EYS: variants seen among roughly 807,000 people sequenced by gnomAD.
EYS encodes the protein EGF-like photoreceptor maintenance factor.
A neutral mutation model predicts 282.1 loss-of-function variants in EYS; 250 were observed. The ratio of observed to expected loss-of-function variants is 0.89; its 90% confidence interval spans 0.80 to 0.98. EYS has a LOEUF of 0.98. Ranked by LOEUF, EYS falls within the 50% of genes least tolerant of loss-of-function variation. EYS has a pLI of 0.00. For missense variants in EYS, 4,016 were observed against 3,709.0 expected (o/e 1.08, Z -2.15); for synonymous variants, 1,355 against 1,282.9 (o/e 1.06, Z -1.20).
chr6:63,870,561 C>T (rs1172388314), intron 35 of EYS, among the ~76,000 whole-genome samples: 1 of 152,146 alleles, frequency 6.6e-6, no homozygotes, highest in African/African-American at 2.4e-5. Flanking sequence ...ACTTATTCCA[C>T]AGCCTTTCTT....
Position 64,345,202 on chromosome 6 carries a change from TTA to T in EYS, c.6079-38122_6079-38121del, listed in dbSNP as rs1367144475. ...TTCACAGAATTGGAAAAAAACTACT[TTA>T]AAGTTCATATGGAACCAAAAAAGAG... On this transcript the variant is annotated intron_variant, in intron 29 of 42. Transcript: ENST00000503581. Among the ~76,000 whole-genome samples, 4 of 152,132 alleles carry T rather than the reference TTA, an allele frequency of 2.6e-5. No homozygotes were observed. In the East Asian group the frequency reaches 7.7e-4, roughly 29 times the overall value.
chr6:64,037,277 A>G (rs534590243), intron 33 of EYS, among the ~76,000 whole-genome samples: 10 of 152,350 alleles, frequency 6.6e-5, no homozygotes, highest in African/African-American at 2.4e-4. Flanking sequence ...TAACCACATT[A>G]TACATTAACA....
At chr6:64,546,779 T>C (rs1322059501) in intron 26 of EYS, among the ~76,000 whole-genome samples, 1 of 152,114 alleles carries the variant, frequency 6.6e-6, no homozygotes, top group Non-Finnish European at 1.5e-5. Flanking sequence ...AAAATGCTCA[T>C]CATCACTGGC....
intron 22 of EYS, among the ~76,000 whole-genome samples, chr6:64,796,820 G>T (rs895671039): frequency 5.3e-5 from 8 of 152,092 alleles, no homozygotes; most frequent in African/African-American, 1.2e-4. Context: ...GTATTTTTGT[G>T]TGACACAAAG....
intron 12 of EYS, among the ~76,000 whole-genome samples, chr6:65,216,262 G>A (rs1766310256): frequency 6.6e-6 from 1 of 152,092 alleles, no homozygotes; most frequent in African/African-American, 2.4e-5. Flanking sequence ...TCTTAAATGA[G>A]TAAAAAGTGT....
At chr6:64,016,346 T>C (rs1423959234) in intron 33 of EYS, among the ~76,000 whole-genome samples, 2 of 152,200 alleles carry the variant, frequency 1.3e-5, no homozygotes, top group South Asian at 4.2e-4. Context: ...ATTCTTCCCA[T>C]TTATAGGTGA....
At chr6:63,912,691 A>G (rs1764292267) in intron 35 of EYS, among the ~76,000 whole-genome samples, 1 of 152,026 alleles carries the variant, frequency 6.6e-6, no homozygotes, top group Non-Finnish European at 1.5e-5. Flanking sequence ...TTTCTCATGA[A>G]TGGTTTACCA....
At chr6:64,385,532 C>T (rs1772879300) in intron 29 of EYS, among the ~76,000 whole-genome samples, 1 of 152,146 alleles carries the variant, frequency 6.6e-6, no homozygotes, top group Admixed American at 6.6e-5. Context: ...GTCCAGTTCC[C>T]TTACATCACA....
At chr6:64,603,272 C>G (rs1209491020) in intron 24 of EYS, among the ~76,000 whole-genome samples, 1 of 152,028 alleles carries the variant, frequency 6.6e-6, no homozygotes, top group Non-Finnish European at 1.5e-5. Flanking sequence ...ACTCCATCCT[C>G]CTTCTCTTCT....
intron 8 of EYS, among the ~76,000 whole-genome samples, chr6:65,381,785 G>A (rs745796814): frequency 2.6e-5 from 4 of 150,980 alleles, no homozygotes; most frequent in African/African-American, 9.7e-5. Context: ...CTCACATATA[G>A]TTTTGCATGA....
chr6:64,475,016 T>C (rs1265723266), intron 26 of EYS, among the ~76,000 whole-genome samples: 1 of 152,182 alleles, frequency 6.6e-6, no homozygotes, highest in Non-Finnish European at 1.5e-5. Flanking sequence ...ACGGGAAATA[T>C]AGGTGAGAAA....
At chr6:64,749,986 A>T (rs1223914866) in intron 22 of EYS, among the ~76,000 whole-genome samples, 1 of 151,966 alleles carries the variant, frequency 6.6e-6, no homozygotes, top group African/African-American at 2.4e-5. Flanking sequence ...TTTCTAATAG[A>T]TTATTAGAGT....
chr6:64,229,551 T>G (rs893298137), intron 31 of EYS, among the ~76,000 whole-genome samples: 1 of 152,172 alleles, frequency 6.6e-6, no homozygotes, highest in Non-Finnish European at 1.5e-5. Context: ...ATAGATAAAA[T>G]CAATTTTGAA....
chr6:65,443,667 A>C (rs529792705), intron 5 of EYS, among the ~76,000 whole-genome samples: 1 of 151,630 alleles, frequency 6.6e-6, no homozygotes, highest in Non-Finnish European at 1.5e-5. Flanking sequence ...ACATATACGT[A>C]TACATCATAT....
chr6:64,826,686 A>G (rs1194267495), intron 19 of EYS, among the ~76,000 whole-genome samples: 1,126 of 53,868 alleles, frequency 0.021, 18 homozygotes, highest in African/African-American at 0.072. Context: ...TTTTATGTAT[A>G]TATATATATA....
intron 22 of EYS, among the ~76,000 whole-genome samples, chr6:64,695,979 A>G (rs1186673035): frequency 6.6e-6 from 1 of 152,202 alleles, no homozygotes; most frequent in East Asian, 1.9e-4. Context: ...CCTCTAAGGA[A>G]CACAGTTTTC....
intron 2 of EYS, among the ~76,000 whole-genome samples, chr6:65,633,984 T>C (rs1454235037): frequency 6.6e-6 from 1 of 152,252 alleles, no homozygotes; most frequent in Non-Finnish European, 1.5e-5. Context: ...AGCTAAAGTA[T>C]ACTTCCAGAC....
chr6:65,066,037 A>G (rs9360120), intron 12 of EYS, among the ~76,000 whole-genome samples: 1 of 152,302 alleles, frequency 6.6e-6, no homozygotes, highest in East Asian at 1.9e-4. Context: ...GTTCAATGAC[A>G]ACCACAAAAA....
At chr6:65,217,844 A>G (rs983830133) in intron 12 of EYS, among the ~76,000 whole-genome samples, 4 of 152,246 alleles carry the variant, frequency 2.6e-5, no homozygotes, top group Non-Finnish European at 5.9e-5. Context: ...TGCTAAGGAC[A>G]CTGACATGCC....
Sources: allele counts gnomAD v4.1 joint callset (sites outside exome capture counted in the v4.1 genomes callset), GRCh38; gene constraint gnomAD v4.1.1; transcripts MANE v1.5; gene names NCBI Gene and HGNC (gene_info 2026-07-23, HGNC 2026-07-21).